SMYD3: variants seen among roughly 807,000 people sequenced by gnomAD.
SMYD3 encodes the protein SET and MYND domain containing 3, also known as histone-lysine N-methyltransferase SMYD3.
A neutral mutation model predicts 57.7 loss-of-function variants in SMYD3; 36 were observed. The ratio of observed to expected loss-of-function variants is 0.62; its 90% CI spans 0.48 to 0.82. SMYD3 has a LOEUF of 0.82. Among genes scored for constraint, SMYD3 ranks in the 40% least tolerant of loss-of-function variants. The probability of loss-of-function intolerance (pLI) is 0.00; values close to 1 mark genes in which losing one functional copy is unlikely to be tolerated. For missense variants in SMYD3, 515 were observed against 538.8 expected (o/e 0.96, Z 0.44); for synonymous variants, 211 against 195.0 (o/e 1.08, Z -0.68).
chr1:246,026,052 G>A (rs2059567714), intron 5 of SMYD3: 1 of 152,226 alleles, frequency 6.6e-6, no homozygotes, highest in Non-Finnish European at 1.5e-5. Flanking sequence ...CTTGAACCCA[G>A]GAGGTAGGTT....
At chr1:246,225,332 A>C (rs2063313215) in intron 5 of SMYD3, among the ~76,000 whole-genome samples, 1 of 53,232 alleles carries the variant, frequency 1.9e-5, no homozygotes, top group Non-Finnish European at 3.2e-5. Context: ...AAAAAAAAAA[A>C]AAAAAAAAAA....
intron 5 of SMYD3, among the ~76,000 whole-genome samples, chr1:246,221,884 G>A (rs2063260693): frequency 2.0e-5 from 3 of 152,102 alleles, no homozygotes; most frequent in Admixed American, 2.0e-4. Flanking sequence ...TCAGGCAAGG[G>A]CACCACCAGT....
At chr1:245,827,319 G>C (rs974687782) in intron 10 of SMYD3, among the ~76,000 whole-genome samples, 1 of 152,174 alleles carries the variant, frequency 6.6e-6, no homozygotes, top group African/African-American at 2.4e-5. Context: ...ACAACAGAGA[G>C]CGACACTGAG....
At chr1:246,013,387 C>T (rs1232951592) in intron 5 of SMYD3, among the ~76,000 whole-genome samples, 1 of 152,196 alleles carries the variant, frequency 6.6e-6, no homozygotes, top group South Asian at 2.1e-4. Flanking sequence ...ACCATGTTGT[C>T]CAGGCTGGTC....
chr1:245,817,122 A>T (rs1167224689), intron 10 of SMYD3, among the ~76,000 whole-genome samples: 2 of 151,254 alleles, frequency 1.3e-5, no homozygotes, highest in East Asian at 3.9e-4. Flanking sequence ...ACACAGCAGT[A>T]ACCTCTGCAG....
chr1:246,472,402 A>G (rs912354410), intron 1 of SMYD3, among the ~76,000 whole-genome samples: 2 of 152,152 alleles, frequency 1.3e-5, no homozygotes, highest in Non-Finnish European at 2.9e-5. Flanking sequence ...TTAGAATTTT[A>G]TTTTGTTTTT....
chr1:245,809,583 A>G (rs1395101709), intron 10 of SMYD3, among the ~76,000 whole-genome samples: 1 of 152,244 alleles, frequency 6.6e-6, no homozygotes, highest in African/African-American at 2.4e-5. Context: ...GTGAGAGAGA[A>G]CAAGGAGTGC....
chr1:246,006,506 C>T (rs2059172271), intron 5 of SMYD3, among the ~76,000 whole-genome samples: 1 of 152,168 alleles, frequency 6.6e-6, no homozygotes, highest in South Asian at 2.1e-4. Flanking sequence ...TCCCCACATA[C>T]TTACAAAGTT....
At chr1:246,264,026 A>G (rs185697187) in intron 5 of SMYD3, among the ~76,000 whole-genome samples, 79 of 146,680 alleles carry the variant, frequency 5.4e-4, no homozygotes, top group African/African-American at 1.9e-3. Flanking sequence ...TTGCCTAAGA[A>G]GAGCAGAAAT....
At chr1:245,866,534 C>T (rs1196890249) in intron 8 of SMYD3, among the ~76,000 whole-genome samples, 1 of 152,066 alleles carries the variant, frequency 6.6e-6, no homozygotes, top group Admixed American at 6.6e-5. Flanking sequence ...GAGTTTGAGA[C>T]CAGCCTGGCC....
chr1:246,330,454 T>A (rs750873077), intron 4 of SMYD3, 26 bp downstream of exon 4: 16 of 1,526,438 alleles, frequency 1.0e-5, no homozygotes, highest in Middle Eastern at 3.5e-4. Context: ...GAAACTTTTT[T>A]AAGATGCTGA....
chr1:246,124,530 C>A (rs528042296), intron 5 of SMYD3, among the ~76,000 whole-genome samples: 1 of 152,190 alleles, frequency 6.6e-6, no homozygotes, highest in South Asian at 2.1e-4. Context: ...CTAACATGTA[C>A]CCATCACCTA....
chr1:245,903,241 G>T (rs2054314059), intron 8 of SMYD3, among the ~76,000 whole-genome samples: 1 of 152,034 alleles, frequency 6.6e-6, no homozygotes, highest in Non-Finnish European at 1.5e-5. Flanking sequence ...CATGAAGAAG[G>T]AATTTCTGAA....
chr1:246,471,809 A>G (rs2067964776), intron 1 of SMYD3, among the ~76,000 whole-genome samples: 1 of 152,222 alleles, frequency 6.6e-6, no homozygotes, highest in African/African-American at 2.4e-5. Flanking sequence ...ATGTAGAAAG[A>G]CTACTTCTTA....
chr1:246,206,323 G>A (rs1449916862), intron 5 of SMYD3, among the ~76,000 whole-genome samples: 3 of 152,040 alleles, frequency 2.0e-5, no homozygotes, highest in Non-Finnish European at 2.9e-5. Context: ...AAACCAACAT[G>A]AACACTTCTG....
chr1:245,828,061 A>T (rs1339342082), intron 10 of SMYD3, among the ~76,000 whole-genome samples: 1 of 152,232 alleles, frequency 6.6e-6, no homozygotes, highest in Admixed American at 6.5e-5. Context: ...AGGGAAAAAA[A>T]GATGAAAAGG....
At chr1:246,353,029 T>C (rs1012923790) in intron 2 of SMYD3, among the ~76,000 whole-genome samples, 2 of 152,214 alleles carry the variant, frequency 1.3e-5, no homozygotes, top group Non-Finnish European at 2.9e-5. Context: ...ATAAAACACC[T>C]AGAACATCAC....
chr1:245,809,357 C>T (rs921590404), intron 10 of SMYD3, among the ~76,000 whole-genome samples: 4 of 152,174 alleles, frequency 2.6e-5, no homozygotes, highest in Non-Finnish European at 5.9e-5. Flanking sequence ...GCCAGGCTTT[C>T]GGGGATTTGT....
chr1:246,168,287 A>C (rs930109002), intron 5 of SMYD3, among the ~76,000 whole-genome samples: 2 of 152,222 alleles, frequency 1.3e-5, no homozygotes, highest in African/African-American at 4.8e-5. Flanking sequence ...GTGTACTTCC[A>C]TAAGGATGGG....
Sources: gnomAD v4.1 joint callset for allele counts (sites outside exome capture counted in the v4.1 genomes callset) on GRCh38, gnomAD v4.1.1 for gene constraint, MANE v1.5 for transcripts, NCBI Gene and HGNC (gene_info 2026-07-23, HGNC 2026-07-21) for gene names.